PPME1: variants seen among roughly 807,000 people sequenced by gnomAD.
PPME1 encodes protein phosphatase methylesterase 1.
A neutral mutation model predicts 56.9 loss-of-function variants in PPME1; 17 were observed. The observed-to-expected ratio is 0.30, with a 90% confidence interval of 0.20 to 0.45. The LOEUF (loss-of-function observed/expected upper bound fraction) is 0.45. Among genes scored for constraint, PPME1 ranks in the 20% least tolerant of loss-of-function variants. The pLI is 1.00. For synonymous variants in PPME1, 122 were observed against 156.2 expected (o/e 0.78, Z 1.63); for missense variants, 357 against 483.2 (o/e 0.74, Z 2.45).
intron 3 of PPME1, among the ~76,000 whole-genome samples, chr11:74,217,311 G>A (rs1035728714): frequency 3.3e-5 from 5 of 152,090 alleles, no homozygotes; most frequent in African/African-American, 9.7e-5. Flanking sequence ...AGAGGCTGAG[G>A]CGGGTGGATC....
chr11:74,174,100 G>A (rs186518993), intron 1 of PPME1, among the ~76,000 whole-genome samples: 51 of 152,012 alleles, frequency 3.4e-4, no homozygotes, highest in African/African-American at 1.2e-3. Flanking sequence ...GAATCATAAA[G>A]CTGAGAGAAA....
chr11:74,201,007 G>A (rs1194185147), intron 1 of PPME1, among the ~76,000 whole-genome samples: 3 of 150,206 alleles, frequency 2.0e-5, no homozygotes, highest in African/African-American at 7.4e-5. Context: ...ATGGAGTCTC[G>A]CTCTGTAACC....
chr11:74,197,646 A>G (rs1169520090), intron 1 of PPME1, among the ~76,000 whole-genome samples: 1 of 152,204 alleles, frequency 6.6e-6, no homozygotes, highest in Non-Finnish European at 1.5e-5. Flanking sequence ...GTGAAAATAA[A>G]CCTTTAGTTG....
chr11:74,216,329 A>G (rs1324115564), intron 3 of PPME1, among the ~76,000 whole-genome samples: 1 of 152,232 alleles, frequency 6.6e-6, no homozygotes, highest in Non-Finnish European at 1.5e-5. Flanking sequence ...CTAGTAATCA[A>G]TAAGAGGAGG....
chr11:74,211,416 G>C (rs1858472259), intron 3 of PPME1, among the ~76,000 whole-genome samples: 1 of 151,896 alleles, frequency 6.6e-6, no homozygotes, highest in South Asian at 2.1e-4. Flanking sequence ...TTAATAGTAT[G>C]GTATTGGTAG....
intron 9 of PPME1, among the ~76,000 whole-genome samples, chr11:74,240,741 C>G: frequency 6.6e-6 from 1 of 152,184 alleles, no homozygotes; most frequent in East Asian, 1.9e-4. Context: ...GATCTTTTCT[C>G]CCATATTATG....
At position 74,247,298 on chromosome 11, in the gene PPME1, C is replaced by G. The variant is rs187196872; in HGVS notation, c.1009+175C>G. 7.0e-4 allele frequency among the ~76,000 whole-genome samples: 106 copies of G among 152,040 alleles called. 1 individual carries two copies. Among genetic ancestry groups the G allele is most frequent in the African/African-American group, 2.4e-3 (100 of 41,474 alleles). On this transcript the variant is annotated intron_variant, in intron 11 of 13. Transcript: ENST00000328257. ...TATATGATTATGGGCAAGTATTTCC[C>G]TTTCCTGAGCTTTAATTTGTTTAAA...
In PPME1 at chr11:74,247,244, T is replaced by C. The variant is rs75698335; in HGVS notation, c.1009+121T>C. ...CATGAGCTTTAGAGTCCGACCCAAGTTGGACATCCGCCTCTACTCCTAACA... is the reference window on the plus strand; with the variant it reads ...CATGAGCTTTAGAGTCCGACCCAAGCTGGACATCCGCCTCTACTCCTAACA... On this transcript the variant is annotated intron_variant, in intron 11 of 13. Transcript: ENST00000328257. The C allele has an allele frequency of 1.5e-3, 1,158 of 776,600 alleles. 8 individuals are homozygous for C. The African/African-American group carries it at 0.018, about 12-fold the overall frequency. The allele number at this position is 776,600 out of a possible 1,614,324, so 48.1% of individuals were successfully genotyped here.
At chr11:74,244,419 A>C (rs1859455062) in intron 9 of PPME1, among the ~76,000 whole-genome samples, 1 of 152,018 alleles carries the variant, frequency 6.6e-6, no homozygotes. Context: ...CCACATCCTC[A>C]CCAACACTTA....
chr11:74,236,015 G>A, intron 8 of PPME1, 49 bp downstream of exon 8: 1 of 1,593,256 alleles, frequency 6.3e-7, no homozygotes, highest in South Asian at 1.1e-5. Flanking sequence ...GAAACATGGT[G>A]AGGGAATTAC....
chr11:74,225,207 G>T lies in PPME1; in HGVS notation c.349G>T (p.Glu117Ter). 1 of 1,549,844 alleles carries T rather than the reference G, an allele frequency of 6.5e-7. No homozygotes were observed. The highest frequency in any genetic ancestry group is 8.7e-7 in the Non-Finnish European group (1 of 1,144,002). Reference protein sequence around the residue: ...IVALDLRSHGETKVKNPEDLS... With the variant: ...IVALDLRSHG ...TTTTTAAAATATTTTCATTTTAGGT[G>T]AAACAAAGGTCAAGAATCCTGAAGA... Residue 117 changes from glutamate (E) to a stop codon, truncating the protein, a stop_gained and splice_region_variant, in exon 5 of 14, where the codon GAA becomes TAA. Transcript: ENST00000328257. LOFTEE classifies it high-confidence loss of function.
chr11:74,179,584 C>T (rs185586229), intron 1 of PPME1, among the ~76,000 whole-genome samples: 68 of 152,274 alleles, frequency 4.5e-4, no homozygotes, highest in African/African-American at 1.5e-3. Flanking sequence ...ATTTCTGAGT[C>T]ACCTTAAAAT....
chr11:74,203,721 T>C lies in PPME1; in HGVS notation c.102-7T>C. 1 of 1,601,566 alleles carries C rather than the reference T, an allele frequency of 6.2e-7. No individual in the cohort carries two copies. Among genetic ancestry groups the C allele is most frequent in the Non-Finnish European group, 8.5e-7 (1 of 1,174,760 alleles). On this transcript the variant is annotated splice_region_variant and splice_polypyrimidine_tract_variant and intron_variant, in intron 1 of 13. Coordinates refer to ENST00000328257, the MANE Select transcript of PPME1 (RefSeq NM_016147.3). The stretch of plus-strand genomic sequence containing the variant: ...TTCTGAAATGTCTCTCTCTTTTTTT[T>C]CCTCAGCCCTGGAAGAAAGCGGGAC...
chr11:74,188,903 C>G (rs1857762358), intron 1 of PPME1, among the ~76,000 whole-genome samples: 1 of 152,068 alleles, frequency 6.6e-6, no homozygotes, highest in Non-Finnish European at 1.5e-5. Flanking sequence ...TTGATTTGTA[C>G]AAAGTGTTTA....
chr11:74,236,067 A>G, intron 8 of PPME1, 101 bp downstream of exon 8: 3 of 1,495,960 alleles, frequency 2.0e-6, no homozygotes, highest in Non-Finnish European at 2.7e-6. Context: ...CCATTCCGGT[A>G]AATGCCTTTA....
intron 9 of PPME1, among the ~76,000 whole-genome samples, 189 bp downstream of exon 9, chr11:74,239,445 G>C (rs1489384174): frequency 6.6e-6 from 1 of 152,030 alleles, no homozygotes; most frequent in East Asian, 1.9e-4. Context: ...TGACCAATTG[G>C]AACATAAAAC....
intron 3 of PPME1, among the ~76,000 whole-genome samples, chr11:74,206,376 C>CT (rs1411175169): frequency 6.6e-6 from 1 of 151,886 alleles, no homozygotes; most frequent in African/African-American, 2.4e-5. Flanking sequence ...TTACTGGAAA[C>CT]TATTTTCAAG....
At chr11:74,218,602 C>A (rs1479721879) in intron 3 of PPME1, among the ~76,000 whole-genome samples, 4 of 152,162 alleles carry the variant, frequency 2.6e-5, no homozygotes, top group Non-Finnish European at 5.9e-5. Flanking sequence ...ATCCATACAT[C>A]TACAGTGAAC....
intron 3 of PPME1, among the ~76,000 whole-genome samples, chr11:74,215,304 C>T (rs573778913): frequency 1.3e-5 from 2 of 152,230 alleles, no homozygotes; most frequent in South Asian, 4.2e-4. Flanking sequence ...CACACCACTG[C>T]ACTCAAGCCT....
Sources: gnomAD v4.1 joint callset for allele counts (sites outside exome capture counted in the v4.1 genomes callset) on GRCh38, gnomAD v4.1.1 for gene constraint, MANE v1.5 for transcripts, NCBI Gene and HGNC (gene_info 2026-07-23, HGNC 2026-07-21) for gene names.